The following CNTN4 variants were observed in gnomAD, a reference collection of about 807,000 sequenced individuals.
CNTN4 encodes the protein contactin 4, also known as contactin-4.
Under a neutral mutation model 122.5 loss-of-function variants are expected in CNTN4, and 77 were observed. The ratio of observed to expected loss-of-function variants is 0.63; its 90% CI spans 0.52 to 0.76. The LOEUF (loss-of-function observed/expected upper bound fraction) is 0.76. Ranked by LOEUF, CNTN4 falls within the 30% of genes least tolerant of loss-of-function variation. CNTN4 has a pLI of 0.00. For missense variants in CNTN4, 1,256 were observed against 1,259.1 expected (o/e 1.00, Z 0.04); for synonymous variants, 512 against 447.0 (o/e 1.15, Z -1.83).
intron 4 of CNTN4, among the ~76,000 whole-genome samples, chr3:2,672,579 C>T (rs538363743): frequency 6.6e-5 from 10 of 152,284 alleles, no homozygotes; most frequent in East Asian, 1.9e-4. Context: ...GGCAATGCGT[C>T]GCCCTGCTTC....
intron 2 of CNTN4, among the ~76,000 whole-genome samples, chr3:2,150,187 C>G (rs2035433044): frequency 6.6e-6 from 1 of 152,040 alleles, no homozygotes; most frequent in Admixed American, 6.6e-5. Context: ...GCAAAGTTGC[C>G]TAAACTATTT....
chr3:2,102,367 G>T (rs2032048414), intron 2 of CNTN4, among the ~76,000 whole-genome samples: 1 of 152,150 alleles, frequency 6.6e-6, no homozygotes, highest in Non-Finnish European at 1.5e-5. Context: ...TATAAAATTG[G>T]GATAACATCT....
At chr3:2,478,898 A>G (rs1339618378) in intron 3 of CNTN4, among the ~76,000 whole-genome samples, 1 of 152,136 alleles carries the variant, frequency 6.6e-6, no homozygotes, top group Non-Finnish European at 1.5e-5. Context: ...GAACATATTT[A>G]GCCCTAATTA....
At chr3:2,931,841 T>C (rs1040578560) in intron 13 of CNTN4, among the ~76,000 whole-genome samples, 1 of 152,108 alleles carries the variant, frequency 6.6e-6, no homozygotes, top group Non-Finnish European at 1.5e-5. Context: ...GACAGAGGCT[T>C]GTTATATTAT....
At chr3:2,867,492 A>T (rs1269112996) in intron 8 of CNTN4, among the ~76,000 whole-genome samples, 1 of 152,194 alleles carries the variant, frequency 6.6e-6, no homozygotes, top group Non-Finnish European at 1.5e-5. Context: ...TAAATGACTT[A>T]ACAATGTGTA....
rs77963775 is a variant in CNTN4 at position 2,861,651 on chromosome 3, A to T, written c.455-5101A>T. Among the ~76,000 whole-genome samples, 251 of 152,286 alleles carry T rather than the reference A, an allele frequency of 1.6e-3. 2 individuals are homozygous for T. Among genetic ancestry groups the T allele is most frequent in the African/African-American group, 5.9e-3 (245 of 41,564 alleles). Reference sequence around the variant, plus strand: ...ACTACCATTCATGTCTCCTGACTTAACTCTAATATCTTCCTTCTACAAAAC... The same window carrying T: ...ACTACCATTCATGTCTCCTGACTTATCTCTAATATCTTCCTTCTACAAAAC... On this transcript the variant is annotated intron_variant, in intron 7 of 24. Transcript: ENST00000418658.
chr3:2,378,180 A>G (rs9845783), intron 3 of CNTN4, among the ~76,000 whole-genome samples: 13,792 of 152,220 alleles, frequency 0.091, 1,058 homozygotes, highest in African/African-American at 0.22. Flanking sequence ...ACAAAATAGA[A>G]TTTATTTCTC....
intron 7 of CNTN4, among the ~76,000 whole-genome samples, chr3:2,826,937 G>C (rs1002860588): frequency 2.6e-5 from 4 of 152,110 alleles, no homozygotes; most frequent in African/African-American, 9.7e-5. Flanking sequence ...CAGACACTTA[G>C]CTTAGCTGTT....
chr3:2,215,439 A>G (rs1312685037), intron 2 of CNTN4, among the ~76,000 whole-genome samples: 2 of 152,188 alleles, frequency 1.3e-5, no homozygotes, highest in Non-Finnish European at 2.9e-5. Flanking sequence ...TTCCTGGTAT[A>G]TACAGCCTCC....
At chr3:2,636,940 G>GTTTTTTT (rs34067643) in intron 4 of CNTN4, among the ~76,000 whole-genome samples, 6 of 95,100 alleles carry the variant, frequency 6.3e-5, no homozygotes, top group African/African-American at 1.3e-4. Flanking sequence ...TTTTTTTTTG[G>GTTTTTTT]TTTTTTTTTT....
At chr3:2,421,377 G>A (rs1377363651) in intron 3 of CNTN4, among the ~76,000 whole-genome samples, 3 of 151,400 alleles carry the variant, frequency 2.0e-5, no homozygotes, top group Admixed American at 6.6e-5. Flanking sequence ...TCAGCCTCCC[G>A]AGTAGCTGGG....
At chr3:2,917,281 C>T (rs1192217285) in intron 12 of CNTN4, among the ~76,000 whole-genome samples, 1 of 150,616 alleles carries the variant, frequency 6.6e-6, no homozygotes, top group Admixed American at 6.6e-5. Context: ...CAGAGGGAGA[C>T]CGTGGAAAGC....
At chr3:2,835,095 C>T in intron 7 of CNTN4, among the ~76,000 whole-genome samples, 1 of 150,776 alleles carries the variant, frequency 6.6e-6, no homozygotes, top group Non-Finnish European at 1.5e-5. Context: ...TTAGTAGAGG[C>T]GGGGTTTCAC....
intron 2 of CNTN4, among the ~76,000 whole-genome samples, chr3:2,150,527 T>A (rs544737702): frequency 1.3e-5 from 2 of 152,216 alleles, no homozygotes; most frequent in African/African-American, 4.8e-5. Flanking sequence ...ACAAGCTGGT[T>A]ATTTGTCTAC....
rs71621496 is a variant in CNTN4 at position 2,522,149 on chromosome 3, T to TTGTG, written c.-88-49228_-88-49225dup. ...ATGGCATGTGGCCTGCCTAAGCAGT[T>TTGTG]TGTGTGTGTGTGTGTGTGTGTGTGT... On this transcript the variant is annotated intron_variant, in intron 3 of 24. Transcript: ENST00000418658. Among the ~76,000 whole-genome samples the TTGTG allele has an allele frequency of 6.9e-3, 435 of 63,442 alleles. No individual in the cohort carries two copies. The East Asian group carries it at 0.088, about 13-fold the overall frequency. The allele number at this position is 63,442 out of a possible 152,430, so 41.6% of individuals were successfully genotyped here. A position where few individuals can be genotyped will look rare whatever the true frequency, so the allele number is the denominator to read the frequency against.
chr3:2,414,120 G>A (rs1364966857), intron 3 of CNTN4, among the ~76,000 whole-genome samples: 1 of 152,150 alleles, frequency 6.6e-6, no homozygotes, highest in Non-Finnish European at 1.5e-5. Flanking sequence ...TGGTAGATGT[G>A]ACTTTCTGAC....
rs73805351 is a variant in CNTN4 at position 2,605,489 on chromosome 3, G to T, written c.55+33931G>T. ...AGGGTTTTAGACAAAGGGGTGTCTT[G>T]ATATGATCTAAATTTTCTCTGGCTT... On this transcript the variant is annotated intron_variant, in intron 4 of 24. Coordinates refer to ENST00000418658, the MANE Select transcript of CNTN4 (RefSeq NM_175607.3). Among the ~76,000 whole-genome samples, 467 of 152,260 alleles carry T rather than the reference G, an allele frequency of 3.1e-3. 3 individuals carry two copies. The highest frequency in any genetic ancestry group is 0.011 in the African/African-American group (438 of 41,550).
intron 2 of CNTN4, among the ~76,000 whole-genome samples, chr3:2,227,038 T>C (rs906801200): frequency 1.3e-5 from 2 of 152,296 alleles, no homozygotes; most frequent in Admixed American, 6.5e-5. Context: ...TTTTGCTGTA[T>C]AGAATGTGAT....
chr3:2,633,068 T>G (rs2082512638), intron 4 of CNTN4, among the ~76,000 whole-genome samples: 1 of 151,380 alleles, frequency 6.6e-6, no homozygotes, highest in Non-Finnish European at 1.5e-5. Context: ...TATCTGCCTT[T>G]CGCTTCAAGT....
Sources: gnomAD v4.1 joint callset for allele counts (sites outside exome capture counted in the v4.1 genomes callset) on GRCh38, gnomAD v4.1.1 for gene constraint, MANE v1.5 for transcripts, NCBI Gene and HGNC (gene_info 2026-07-23, HGNC 2026-07-21) for gene names.